The following GRID1 variants were observed in gnomAD, a reference collection of about 807,000 sequenced individuals.
The protein encoded by GRID1 is glutamate ionotropic receptor delta type subunit 1.
Under a neutral mutation model 98.0 loss-of-function variants are expected in GRID1, and 28 were observed. The observed-to-expected ratio is 0.29, with a 90% CI of 0.21 to 0.39. GRID1 has a LOEUF of 0.39. GRID1 is among the 10% of genes least tolerant of loss of function. GRID1 has a pLI of 1.00. For missense variants in GRID1, 1,111 were observed against 1,340.5 expected, an observed-to-expected ratio of 0.83 and a Z score of 2.67; for synonymous variants, 553 against 538.5, an observed-to-expected ratio of 1.03 and a Z score of -0.37.
chr10:85,788,734 G>A (rs988048677), intron 8 of GRID1, among the ~76,000 whole-genome samples: 1 of 152,252 alleles, frequency 6.6e-6, no homozygotes, highest in African/African-American at 2.4e-5. Flanking sequence ...GAGGTGCACA[G>A]GCACATATGG....
intron 2 of GRID1, among the ~76,000 whole-genome samples, chr10:86,322,918 C>A (rs1175550359): frequency 2.0e-5 from 3 of 149,690 alleles, no homozygotes; most frequent in African/African-American, 7.4e-5. Context: ...ATGGTGAAAC[C>A]CCGTCTCTAC....
chr10:86,341,672 T>C (rs1848312987), intron 2 of GRID1, among the ~76,000 whole-genome samples: 1 of 152,162 alleles, frequency 6.6e-6, no homozygotes, highest in Non-Finnish European at 1.5e-5. Context: ...GCTATGAGCC[T>C]GGCATTTACA....
chr10:86,159,142 C>T (rs1022617524), intron 3 of GRID1, among the ~76,000 whole-genome samples: 2 of 152,158 alleles, frequency 1.3e-5, no homozygotes, highest in Admixed American at 1.3e-4. Context: ...GATCCGCCTG[C>T]CTCGGCCTCC....
intron 2 of GRID1, among the ~76,000 whole-genome samples, chr10:86,348,283 G>A (rs1373666968): frequency 6.6e-6 from 1 of 152,226 alleles, no homozygotes; most frequent in African/African-American, 2.4e-5. Context: ...GACTTCAAAG[G>A]TGCATGTAGA....
At position 85,723,070 on chromosome 10, in the gene GRID1, C is replaced by G; in HGVS notation, c.1930G>C (p.Val644Leu). Residue 644 changes from valine (V) to leucine (L), a missense_variant, in exon 12 of 16, where the codon GTG becomes CTG. Physicochemically the swap from Val to Leu is conservative, Grantham distance 32. Transcript: ENST00000327946. ...AGGTTGGCTGTGTAGGAGGAGCACACAATGAGCGTGAAGAGCCACCAGCTG... is the reference window on the plus strand; with the variant it reads ...AGGTTGGCTGTGTAGGAGGAGCACAGAATGAGCGTGAAGAGCCACCAGCTG... ...MGSWWLFTLI[V>L]CSSYTANLAA... 4 of 1,612,594 alleles carry G rather than the reference C, an allele frequency of 2.5e-6. No homozygotes were observed. In the South Asian group the frequency reaches 4.4e-5, roughly 18 times the overall value.
intron 8 of GRID1, among the ~76,000 whole-genome samples, chr10:85,835,345 C>T (rs753608850): frequency 4.8e-4 from 73 of 152,180 alleles, no homozygotes; most frequent in Non-Finnish European, 8.2e-4. Context: ...CCAAATCTCA[C>T]CTTGAATTGT....
intron 2 of GRID1, among the ~76,000 whole-genome samples, chr10:86,270,038 T>C (rs898153772): frequency 6.6e-6 from 1 of 152,232 alleles, no homozygotes; most frequent in African/African-American, 2.4e-5. Context: ...TATTTGTAGG[T>C]CTTCCTGGAA....
At chr10:85,713,635 A>AG (rs1340719644) in intron 12 of GRID1, among the ~76,000 whole-genome samples, 2 of 151,514 alleles carry the variant, frequency 1.3e-5, no homozygotes, top group Admixed American at 6.6e-5. Flanking sequence ...GCACATTAAA[A>AG]AAAAAAAAAA....
intron 2 of GRID1, among the ~76,000 whole-genome samples, chr10:86,236,770 G>A (rs1253001702): frequency 2.6e-5 from 4 of 152,212 alleles, no homozygotes; most frequent in Admixed American, 2.6e-4. Context: ...GGGGTCAGGA[G>A]GAGCAGAAGC....
chr10:85,925,315 G>T (rs1000662621), intron 4 of GRID1, among the ~76,000 whole-genome samples: 32 of 152,206 alleles, frequency 2.1e-4, no homozygotes, highest in African/African-American at 7.2e-4. Context: ...AGACATTCAG[G>T]CCCTTGGCCA....
At chr10:86,247,882 T>G (rs1846757128) in intron 2 of GRID1, among the ~76,000 whole-genome samples, 1 of 152,096 alleles carries the variant, frequency 6.6e-6, no homozygotes, top group African/African-American at 2.4e-5. Context: ...GGGACCAACT[T>G]GAGCCCAAGA....
At chr10:86,034,219 A>C (rs1181577523) in intron 4 of GRID1, among the ~76,000 whole-genome samples, 1 of 152,192 alleles carries the variant, frequency 6.6e-6, no homozygotes, top group African/African-American at 2.4e-5. Flanking sequence ...GGAGAAATTT[A>C]ATGCTGAATT....
intron 2 of GRID1, among the ~76,000 whole-genome samples, chr10:86,224,688 C>T (rs1846312682): frequency 6.6e-6 from 1 of 152,212 alleles, no homozygotes; most frequent in Non-Finnish European, 1.5e-5. Context: ...CCTTAGTGCA[C>T]CCAGGTTTCA....
intron 8 of GRID1, among the ~76,000 whole-genome samples, chr10:85,820,760 T>C (rs905249574): frequency 3.3e-5 from 5 of 152,180 alleles, no homozygotes; most frequent in Admixed American, 2.6e-4. Context: ...TAAACTTATC[T>C]ATACTACACG....
intron 5 of GRID1, among the ~76,000 whole-genome samples, chr10:85,875,540 T>C (rs1843320833): frequency 6.6e-6 from 1 of 152,160 alleles, no homozygotes; most frequent in Admixed American, 6.5e-5. Flanking sequence ...TATTATACAT[T>C]TTGGAGTTTT....
At chr10:85,730,535 T>C (rs569740429) in intron 8 of GRID1, among the ~76,000 whole-genome samples, 23 of 152,326 alleles carry the variant, frequency 1.5e-4, no homozygotes, top group African/African-American at 5.1e-4. Flanking sequence ...GCAGCCAATG[T>C]CGAGAACCCC....
chr10:85,969,768 C>A (rs1460455790), intron 4 of GRID1, among the ~76,000 whole-genome samples: 1 of 151,872 alleles, frequency 6.6e-6, no homozygotes, highest in East Asian at 1.9e-4. Flanking sequence ...GTAACTTAAC[C>A]TTCTCCCTTA....
intron 4 of GRID1, among the ~76,000 whole-genome samples, chr10:86,093,269 A>C (rs1844173563): frequency 6.6e-6 from 1 of 152,212 alleles, no homozygotes; most frequent in African/African-American, 2.4e-5. Context: ...TAATGCCTAC[A>C]TCAAAAAGTC....
intron 5 of GRID1, among the ~76,000 whole-genome samples, chr10:85,900,008 C>G (rs1388206487): frequency 6.6e-6 from 1 of 152,214 alleles, no homozygotes; most frequent in African/African-American, 2.4e-5. Context: ...ATGTATGTAG[C>G]ATCCCCTGGT....
Sources: gnomAD v4.1 joint callset for allele counts (sites outside exome capture counted in the v4.1 genomes callset) on GRCh38, gnomAD v4.1.1 for gene constraint, MANE v1.5 for transcripts, NCBI Gene and HGNC (gene_info 2026-07-23, HGNC 2026-07-21) for gene names.